The following LYSMD1 variants were observed in gnomAD, a reference collection of about 807,000 sequenced individuals.
LYSMD1 encodes LysM domain containing 1.
LYSMD1 carries 9 observed loss-of-function variants against 19.3 expected under a neutral mutation model. That is an observed-to-expected ratio of 0.47 (90% confidence interval 0.28 to 0.81). The LOEUF is 0.81. LYSMD1 is among the 40% of genes least tolerant of loss of function. LYSMD1 has a pLI of 0.11. For missense variants in LYSMD1, 262 were observed against 279.8 expected, an observed-to-expected ratio of 0.94 and a Z score of 0.45; for synonymous variants, 111 against 111.7, an observed-to-expected ratio of 0.99 and a Z score of 0.04.
At chr1:151,152,726 C>G in the LYSMD1 span, among the ~76,000 whole-genome samples, 2 of 151,882 alleles carry the variant, frequency 1.3e-5, no homozygotes, top group Admixed American at 6.6e-5. Context: ...ATACCCCAAA[C>G]AAAAAAAGAG....
intron 1 of LYSMD1, among the ~76,000 whole-genome samples, chr1:151,163,618 T>C (rs918609767): frequency 1.4e-4 from 21 of 152,076 alleles, no homozygotes; most frequent in Admixed American, 8.5e-4. Flanking sequence ...AACCTCCGCT[T>C]CCCCAGCTCA....
chr1:151,156,884 C>G (rs1335543087), downstream of LYSMD1, among the ~76,000 whole-genome samples: 1 of 152,140 alleles, frequency 6.6e-6, no homozygotes, highest in Non-Finnish European at 1.5e-5. Flanking sequence ...GCAAGGCAGC[C>G]TCTGAAAGAC....
At chr1:151,163,872 C>T (rs1452124630) in intron 1 of LYSMD1, among the ~76,000 whole-genome samples, 1 of 141,706 alleles carries the variant, frequency 7.1e-6, no homozygotes, top group South Asian at 2.1e-4. Flanking sequence ...TTCTGATTTC[C>T]TATCTTTGTG....
At chr1:151,158,853 C>T (rs1053544791), downstream of LYSMD1, 8 of 1,614,164 alleles carry the variant, frequency 5.0e-6, no homozygotes, top group Non-Finnish European at 6.8e-6. Context: ...ACACGCACAG[C>T]CGGCCCCAGG....
At chr1:151,164,029 G>T (rs904051467) in intron 1 of LYSMD1, among the ~76,000 whole-genome samples, 32 of 151,936 alleles carry the variant, frequency 2.1e-4, no homozygotes, top group African/African-American at 7.7e-4. Flanking sequence ...GAGTAGCTGG[G>T]ATTACAGGTG....
Position 151,160,760 on chromosome 1 carries a change from G to A in LYSMD1, c.*122C>T. 7.9e-7 allele frequency: 1 copy of A among 1,259,018 alleles called. No individual in the cohort carries two copies. Among genetic ancestry groups the A allele is most frequent in the Non-Finnish European group, 1.1e-6 (1 of 908,268 alleles). 78.0% of individuals were successfully genotyped at this position (1,259,018 alleles called of 1,614,324 possible). A position where few individuals can be genotyped will look rare whatever the true frequency, so the allele number is the denominator to read the frequency against. ...ATTTTTGGCAGACAAGGAGGCTGGG[G>A]AGGATGGCTGGAGTGGAGGGAGGCA... On this transcript the variant is annotated 3_prime_UTR_variant, in exon 3 of 3. Coordinates refer to ENST00000368908, the MANE Select transcript of LYSMD1 (RefSeq NM_212551.5).
In LYSMD1 at chr1:151,165,798, C is replaced by T. The variant is rs1683665154; in HGVS notation, c.-540G>A. 3 of 1,549,172 alleles carry T rather than the reference C, an allele frequency of 1.9e-6. No individual in the cohort carries two copies. The highest frequency in any genetic ancestry group is 1.2e-5 in the South Asian group (1 of 84,016). On this transcript the variant is annotated 5_prime_UTR_variant, in exon 1 of 3. Coordinates refer to ENST00000368908, the MANE Select transcript of LYSMD1 (RefSeq NM_212551.5). ...CGCTCCGCATAAGATAGGTCACACC[C>T]TCAAATTTCGGCTCCACATCTAGGT...
the LYSMD1 span, among the ~76,000 whole-genome samples, chr1:151,151,566 T>C: frequency 6.6e-6 from 1 of 151,858 alleles, no homozygotes; most frequent in Admixed American, 6.6e-5. Flanking sequence ...TCTCCTGAGT[T>C]CTAGACTCAT....
chr1:151,154,104 A>G, the LYSMD1 span, among the ~76,000 whole-genome samples: 1 of 152,228 alleles, frequency 6.6e-6, no homozygotes, highest in African/African-American at 2.4e-5. Flanking sequence ...CTTTCAGCAC[A>G]TATTTATTGA....
At chr1:151,159,299 G>A (rs375563946), downstream of LYSMD1, 251 of 1,554,690 alleles carry the variant, frequency 1.6e-4, no homozygotes, top group Admixed American at 2.4e-4. Flanking sequence ...GGTTGACTGA[G>A]AAAACACAGA....
chr1:151,161,240 G>A (rs931568849), intron 2 of LYSMD1, among the ~76,000 whole-genome samples: 4 of 152,240 alleles, frequency 2.6e-5, no homozygotes, highest in Non-Finnish European at 4.4e-5. Context: ...GCTCACGCCT[G>A]TAATTCCAGC....
Position 151,162,103 on chromosome 1 carries a change from TA to T in LYSMD1, c.181-4del, listed in dbSNP as rs11459817. On this transcript the variant is annotated splice_polypyrimidine_tract_variant and splice_region_variant and intron_variant, in intron 1 of 2. Transcript: ENST00000368908. The stretch of plus-strand genomic sequence containing the variant: ...TTTGCACGTTTAATCTGTTCCATCT[TA>T]AAAAAAAAAGTCACCAAAATTAAGG... The T allele has an allele frequency of 5.5e-4, 803 of 1,466,238 alleles. No homozygotes were observed. Among genetic ancestry groups the T allele is most frequent in the Admixed American group, 2.0e-3 (86 of 43,010 alleles). 90.8% of individuals were successfully genotyped at this position (1,466,238 alleles called of 1,614,324 possible). A position where few individuals can be genotyped will look rare whatever the true frequency, so the allele number is the denominator to read the frequency against.
downstream of LYSMD1, among the ~76,000 whole-genome samples, chr1:151,157,031 C>T (rs1016534819): frequency 6.6e-6 from 1 of 151,798 alleles, no homozygotes; most frequent in East Asian, 1.9e-4. Context: ...TATGGCCAGG[C>T]CAGAGGATCA....
At position 151,165,114 on chromosome 1, in the gene LYSMD1, TG is replaced by T. The variant is rs1390555405; in HGVS notation, c.144del (p.Asp48GlufsTer6). ...RRLEHQLEPG[D>X]TLAGLALKYG... ...TATTTGAGTGCTAGTCCAGCCAGGG[TG>T]TCTCCGGGCTCCAACTGATGCTCCA... On this transcript the variant is annotated frameshift_variant, in exon 1 of 3. Transcript: ENST00000368908. LOFTEE classifies it high-confidence loss of function. 1.9e-6 allele frequency: 3 copies of T among 1,614,016 alleles called. No homozygotes were observed. Among genetic ancestry groups the T allele is most frequent in the Non-Finnish European group, 2.5e-6 (3 of 1,180,000 alleles).
downstream of LYSMD1, among the ~76,000 whole-genome samples, chr1:151,157,623 G>A (rs1683268517): frequency 6.6e-6 from 1 of 152,180 alleles, no homozygotes; most frequent in Admixed American, 6.5e-5. Context: ...GGTTTCTCTG[G>A]ATTATTTGGT....
rs757987576 is a variant in LYSMD1 at position 151,162,055 on chromosome 1, T to C, written c.226A>G (p.Ile76Val). 6.2e-7 allele frequency: 1 copy of C among 1,611,896 alleles called. No homozygotes were observed. The highest frequency in any genetic ancestry group is 1.1e-5 in the South Asian group (1 of 90,684). ...RANRLYTNDS[I>V]FLKKTLYIPI... ...ATGTAGAGGGTTTTCTTCAGGAAGA[T>C]GGAGTCATTAGTATAAAGGCGGTTT... The change falls in exon 2 of 3, where the codon ATC (isoleucine) becomes GTC (valine). Residue 76 changes from isoleucine to valine, a missense_variant. Ile to Val is a conservative substitution (Grantham distance 29, BLOSUM62 3). Coordinates refer to ENST00000368908, the MANE Select transcript of LYSMD1 (RefSeq NM_212551.5).
Position 151,160,992 on chromosome 1 carries a change from G to A in LYSMD1, c.574C>T (p.Leu192=). 6.2e-7 allele frequency: 1 copy of A among 1,614,184 alleles called. No individual in the cohort carries two copies. Among genetic ancestry groups the A allele is most frequent in the Non-Finnish European group, 8.5e-7 (1 of 1,180,020 alleles). The change falls in exon 3 of 3, where the codon CTG becomes TTG. Residue 192 remains leucine, a synonymous_variant. Coordinates refer to ENST00000368908, the MANE Select transcript of LYSMD1 (RefSeq NM_212551.5). ...CGTTGCTGCATCCAAGGGGAGCTCA[G>A]GTGGAGACCTGCATCCTCCCCAGGT... ...GVPGEDAGLH[L]SSPWMQQRAV... is the part of the protein sequence containing the mutation.
At chr1:151,155,175 G>A (rs1251236434), downstream of LYSMD1, among the ~76,000 whole-genome samples, 1 of 152,074 alleles carries the variant, frequency 6.6e-6, no homozygotes, top group Non-Finnish European at 1.5e-5. Flanking sequence ...CCTGTATTTT[G>A]TTTTTTTCCT....
chr1:151,162,246 A>T, intron 1 of LYSMD1, 146 bp from the exon 2 acceptor site: 1 of 811,712 alleles, frequency 1.2e-6, no homozygotes, highest in Non-Finnish European at 1.8e-6. Context: ...TCTATTCTAT[A>T]GATGAGTGGT....
Sources: gnomAD v4.1 joint callset for allele counts (sites outside exome capture counted in the v4.1 genomes callset) on GRCh38, gnomAD v4.1.1 for gene constraint, MANE v1.5 for transcripts, NCBI Gene and HGNC (gene_info 2026-07-23, HGNC 2026-07-21) for gene names.